ARHGAP26: variants seen among roughly 807,000 people sequenced by gnomAD.
ARHGAP26 encodes the protein rho GTPase-activating protein 26.
In ARHGAP26, 38 loss-of-function variants were observed where a neutral mutation model predicts 104.8. The ratio of observed to expected loss-of-function variants is 0.36; its 90% CI spans 0.28 to 0.48. The LOEUF (loss-of-function observed/expected upper bound fraction) is 0.48, where lower values mean the gene tolerates loss of function less well. Ranked by LOEUF, ARHGAP26 falls within the 20% of genes least tolerant of loss-of-function variation. The probability of loss-of-function intolerance (pLI) is 0.99; values close to 1 mark genes in which losing one functional copy is unlikely to be tolerated. For missense variants in ARHGAP26, 704 were observed against 947.9 expected, an observed-to-expected ratio of 0.74 and a Z score of 3.38; for synonymous variants, 341 against 340.0, an observed-to-expected ratio of 1.00 and a Z score of -0.03.
intron 1 of ARHGAP26, among the ~76,000 whole-genome samples, chr5:142,856,951 G>A (rs1752459872): frequency 6.6e-6 from 1 of 152,154 alleles, no homozygotes; most frequent in Non-Finnish European, 1.5e-5. Context: ...AGTTCTGGAG[G>A]CCAGAAATCT....
chr5:142,787,165 T>C (rs771050116), intron 1 of ARHGAP26, among the ~76,000 whole-genome samples: 1 of 152,182 alleles, frequency 6.6e-6, no homozygotes, highest in Non-Finnish European at 1.5e-5. Flanking sequence ...GCTTAGCCGT[T>C]CTGATGGGTA....
chr5:142,849,389 A>C (rs1356909368), intron 1 of ARHGAP26, among the ~76,000 whole-genome samples: 1 of 152,162 alleles, frequency 6.6e-6, no homozygotes, highest in East Asian at 1.9e-4. Context: ...TTTTCTTTTA[A>C]AAAGACAAAT....
At chr5:143,038,750 C>T (rs1783026053) in intron 13 of ARHGAP26, among the ~76,000 whole-genome samples, 1 of 111,468 alleles carries the variant, frequency 9.0e-6, no homozygotes, top group African/African-American at 3.5e-5. Context: ...GGCTGGAGTG[C>T]AGTAATGCAG....
chr5:142,939,407 A>G (rs1765914206), intron 11 of ARHGAP26, among the ~76,000 whole-genome samples: 1 of 152,140 alleles, frequency 6.6e-6, no homozygotes, highest in Non-Finnish European at 1.5e-5. Flanking sequence ...CCTTCTGCTC[A>G]CCTCCATTTT....
intron 10 of ARHGAP26, chr5:142,915,644 G>C (rs569348944): frequency 6.6e-6 from 1 of 152,634 alleles, no homozygotes; most frequent in East Asian, 1.9e-4. Context: ...ACAGGCATGA[G>C]CCGCCACGCC....
chr5:142,873,503 A>G lies in ARHGAP26; in HGVS notation c.250+8A>G. On this transcript the variant is annotated splice_region_variant and intron_variant, in intron 2 of 22. Transcript: ENST00000645722. The stretch of plus-strand genomic sequence containing the variant: ...ATGATGAGATGTGTATAGGTAAGTC[A>G]TAACTGTGCAGAAGATAAAAATGTT... 1 of 1,533,052 alleles carries G rather than the reference A, an allele frequency of 6.5e-7. No homozygotes were observed. The highest frequency in any genetic ancestry group is 1.4e-5 in the African/African-American group (1 of 71,036). The allele number at this position is 1,533,052 out of a possible 1,614,324, so 95.0% of individuals were successfully genotyped here. A position where few individuals can be genotyped will look rare whatever the true frequency, so the allele number is the denominator to read the frequency against.
At chr5:143,133,627 A>T (rs559114131) in intron 18 of ARHGAP26, among the ~76,000 whole-genome samples, 1 of 152,326 alleles carries the variant, frequency 6.6e-6, no homozygotes, top group South Asian at 2.1e-4. Flanking sequence ...TAGTCAAAAA[A>T]CTTCAAGTGC....
chr5:142,985,422 A>G (rs943750191), intron 11 of ARHGAP26, among the ~76,000 whole-genome samples: 1 of 152,156 alleles, frequency 6.6e-6, no homozygotes, highest in Non-Finnish European at 1.5e-5. Flanking sequence ...ATGTTCACCC[A>G]CTAATCACTC....
chr5:142,829,994 G>A (rs778991110), intron 1 of ARHGAP26, among the ~76,000 whole-genome samples: 3 of 152,132 alleles, frequency 2.0e-5, no homozygotes, highest in Non-Finnish European at 2.9e-5. Context: ...GGATGTTTTC[G>A]ACCTGATGAG....
At chr5:143,212,865 G>A (rs538288345) in intron 21 of ARHGAP26, among the ~76,000 whole-genome samples, 4 of 152,290 alleles carry the variant, frequency 2.6e-5, no homozygotes, top group African/African-American at 7.2e-5. Context: ...CTGATGCCTG[G>A]CCGGGCGCGG....
intron 11 of ARHGAP26, among the ~76,000 whole-genome samples, chr5:142,983,858 T>C (rs2152736315): frequency 6.6e-6 from 1 of 152,368 alleles, no homozygotes; most frequent in African/African-American, 2.4e-5. Flanking sequence ...TTCCAGGTAT[T>C]GTACTTTAAG....
At chr5:142,962,318 A>G (rs1315055538) in intron 11 of ARHGAP26, among the ~76,000 whole-genome samples, 3 of 152,198 alleles carry the variant, frequency 2.0e-5, no homozygotes, top group African/African-American at 7.2e-5. Flanking sequence ...ACTCTCAGCC[A>G]GGAGCTGTCT....
intron 1 of ARHGAP26, among the ~76,000 whole-genome samples, chr5:142,838,788 A>C (rs1477016344): frequency 6.6e-6 from 1 of 152,240 alleles, no homozygotes; most frequent in African/African-American, 2.4e-5. Flanking sequence ...CTTTGGAATT[A>C]TCTAGTCTGA....
chr5:143,069,572 A>G (rs530843765), intron 17 of ARHGAP26, among the ~76,000 whole-genome samples: 20 of 152,308 alleles, frequency 1.3e-4, no homozygotes, highest in Admixed American at 1.2e-3. Context: ...GTCTTTCTTG[A>G]TAGGACCACA....
At chr5:142,924,307 G>C (rs1763610138) in intron 10 of ARHGAP26, among the ~76,000 whole-genome samples, 1 of 151,618 alleles carries the variant, frequency 6.6e-6, no homozygotes, top group South Asian at 2.1e-4. Context: ...GGACATGTAT[G>C]CTACATGCAC....
chr5:143,110,727 A>G (rs1280173042), intron 17 of ARHGAP26, among the ~76,000 whole-genome samples: 1 of 152,244 alleles, frequency 6.6e-6, no homozygotes, highest in Non-Finnish European at 1.5e-5. Flanking sequence ...ATGAATTGTT[A>G]TGTAATTTAA....
chr5:142,779,758 C>T (rs144843586), intron 1 of ARHGAP26, among the ~76,000 whole-genome samples: 24 of 152,320 alleles, frequency 1.6e-4, no homozygotes, highest in African/African-American at 5.1e-4. Context: ...TGAACTTTGG[C>T]TGTTTCTGTG....
At chr5:142,800,966 A>T (rs113385105) in intron 1 of ARHGAP26, among the ~76,000 whole-genome samples, 1 of 152,032 alleles carries the variant, frequency 6.6e-6, no homozygotes, top group African/African-American at 2.4e-5. Flanking sequence ...TTCCTCCCTG[A>T]TGGGGAACAT....
chr5:143,057,625 C>T lies in ARHGAP26; in HGVS notation c.1433-17C>T, dbSNP rs1786022227. On this transcript the variant is annotated splice_polypyrimidine_tract_variant and intron_variant, in intron 16 of 22. Transcript: ENST00000645722. ...CTGTGACACTGATAAGATATTACCT[C>T]CCTCCTTCCTTTGCAGAACTGGAGA... The T allele has an allele frequency of 6.2e-7, 1 of 1,606,494 alleles. No homozygotes were observed. The highest frequency in any genetic ancestry group is 8.5e-7 in the Non-Finnish European group (1 of 1,173,816).
Sources: allele counts gnomAD v4.1 joint callset (sites outside exome capture counted in the v4.1 genomes callset), GRCh38; gene constraint gnomAD v4.1.1; transcripts MANE v1.5; gene names NCBI Gene and HGNC (gene_info 2026-07-23, HGNC 2026-07-21).